SYT1: variants seen among roughly 807,000 people sequenced by gnomAD.
The protein encoded by SYT1 is synaptotagmin 1, also known as synaptotagmin-1.
Under a neutral mutation model 44.8 loss-of-function variants are expected in SYT1, and 8 were observed. The observed-to-expected ratio is 0.18, with a 90% confidence interval of 0.10 to 0.32. The LOEUF is 0.32. SYT1 is among the 10% of genes least tolerant of loss of function. The probability of loss-of-function intolerance (pLI) is 1.00; values close to 1 mark genes in which losing one functional copy is unlikely to be tolerated. For missense variants in SYT1, 286 were observed against 509.3 expected (o/e 0.56, Z 4.22); for synonymous variants, 154 against 188.8 (o/e 0.82, Z 1.51).
intron 8 of SYT1, among the ~76,000 whole-genome samples, chr12:79,328,845 CAA>C (rs986493458): frequency 2.2e-4 from 20 of 92,140 alleles, no homozygotes; most frequent in African/African-American, 2.4e-4. Context: ...GACTCCATCT[CAA>C]AAAAAAAAAA....
chr12:79,179,405 G>C (rs1323072179), intron 3 of SYT1, among the ~76,000 whole-genome samples: 1 of 128,418 alleles, frequency 7.8e-6, no homozygotes, highest in African/African-American at 3.2e-5. Context: ...TATCCATATA[G>C]ATATAGATAT....
intron 1 of SYT1, among the ~76,000 whole-genome samples, chr12:78,941,065 CTTTTTTT>C (rs398044555): frequency 1.5e-5 from 1 of 68,442 alleles, no homozygotes; most frequent in Middle Eastern, 0.011. Flanking sequence ...CTTTTTTTTT[CTTTTTTT>C]TTTTTTTTTT....
At chr12:79,285,315 C>T (rs908749018) in intron 4 of SYT1, among the ~76,000 whole-genome samples, 3 of 152,250 alleles carry the variant, frequency 2.0e-5, no homozygotes, top group Non-Finnish European at 4.4e-5. Context: ...TTGCCATGTG[C>T]CAGGCACTGC....
Position 79,324,517 on chromosome 12 carries a change from A to T in SYT1, c.810+24966A>T, listed in dbSNP as rs369562332. Among the ~76,000 whole-genome samples the T allele has an allele frequency of 4.6e-5, 7 of 152,302 alleles. 1 individual carries two copies. Among genetic ancestry groups the T allele is most frequent in the Admixed American group, 3.3e-4 (5 of 15,296 alleles). On this transcript the variant is annotated intron_variant, in intron 8 of 10. Transcript: ENST00000261205. ...TTGTAACTTAGATCCATCTGGTAAG[A>T]TTCTTTTTCTTCTTCCAAATTAGTT... is the stretch of plus-strand genomic sequence containing the variant.
intron 1 of SYT1, among the ~76,000 whole-genome samples, chr12:78,906,741 G>GA (rs1876005414): frequency 6.6e-6 from 1 of 152,046 alleles, no homozygotes; most frequent in Non-Finnish European, 1.5e-5. Flanking sequence ...GTCCTGCCAG[G>GA]AAGAAGCAGT....
chr12:79,247,160 T>G (rs1458385063), intron 4 of SYT1, among the ~76,000 whole-genome samples: 2 of 152,208 alleles, frequency 1.3e-5, no homozygotes, highest in Non-Finnish European at 1.5e-5. Context: ...CACCTGTGAC[T>G]TTACAGTGTA....
intron 4 of SYT1, among the ~76,000 whole-genome samples, chr12:79,229,420 G>A (rs564366926): frequency 2.0e-5 from 3 of 152,056 alleles, no homozygotes; most frequent in African/African-American, 7.2e-5. Context: ...AAATGTATAA[G>A]GTCTTATTTT....
intron 1 of SYT1, among the ~76,000 whole-genome samples, chr12:78,963,216 T>G (rs1879605556): frequency 6.6e-6 from 1 of 152,120 alleles, no homozygotes; most frequent in Non-Finnish European, 1.5e-5. Flanking sequence ...ATCTGTATTC[T>G]TAAAATATGT....
intron 3 of SYT1, among the ~76,000 whole-genome samples, chr12:79,102,143 G>A (rs1878480197): frequency 6.6e-6 from 1 of 151,494 alleles, no homozygotes; most frequent in African/African-American, 2.4e-5. Context: ...TCCTCCTGTG[G>A]GTATCATTCA....
chr12:79,309,544 G>A (rs73351083), intron 8 of SYT1, among the ~76,000 whole-genome samples: 1,611 of 152,258 alleles, frequency 0.011, 31 homozygotes, highest in African/African-American at 0.037. Flanking sequence ...ACATGGAATT[G>A]ACTGGGAGGC....
intron 3 of SYT1, among the ~76,000 whole-genome samples, chr12:79,216,681 T>A (rs1235338399): frequency 1.3e-5 from 2 of 152,310 alleles, no homozygotes; most frequent in East Asian, 1.9e-4. Flanking sequence ...CTTTATTAAT[T>A]ATTTTGGCAT....
intron 1 of SYT1, among the ~76,000 whole-genome samples, chr12:78,940,816 T>G (rs1255707283): frequency 6.6e-6 from 1 of 152,150 alleles, no homozygotes; most frequent in African/African-American, 2.4e-5. Context: ...TCAAAGCATT[T>G]TGTAAATCAG....
At chr12:78,978,933 A>G (rs1213307913) in intron 2 of SYT1, among the ~76,000 whole-genome samples, 5 of 152,192 alleles carry the variant, frequency 3.3e-5, no homozygotes, top group Non-Finnish European at 7.4e-5. Flanking sequence ...AAATGTACCT[A>G]TACGCTTATG....
intron 8 of SYT1, among the ~76,000 whole-genome samples, chr12:79,308,578 G>GGAAAAGAAAGAA (rs1880555235): frequency 3.7e-5 from 5 of 134,118 alleles, no homozygotes; most frequent in African/African-American, 1.2e-4. Context: ...AGAAAGAAAA[G>GGAAAAGAAAGAA]AAGGAAAAGA....
intron 1 of SYT1, among the ~76,000 whole-genome samples, chr12:78,884,565 T>A (rs1023719045): frequency 6.6e-6 from 1 of 151,610 alleles, no homozygotes; most frequent in African/African-American, 2.4e-5. Flanking sequence ...TTTTATAACA[T>A]CTTGTTTGTT....
intron 3 of SYT1, among the ~76,000 whole-genome samples, chr12:79,151,093 G>A (rs1870244304): frequency 6.6e-6 from 1 of 152,188 alleles, no homozygotes; most frequent in African/African-American, 2.4e-5. Context: ...TCACCTCAGA[G>A]TCCTGTGTCC....
chr12:79,387,876 A>G (rs764303560), intron 9 of SYT1, among the ~76,000 whole-genome samples: 1 of 152,254 alleles, frequency 6.6e-6, no homozygotes, highest in Non-Finnish European at 1.5e-5. Context: ...ATATCTAATT[A>G]TGTATAGATC....
At chr12:79,014,364 C>G (rs946893077) in intron 2 of SYT1, among the ~76,000 whole-genome samples, 2 of 152,078 alleles carry the variant, frequency 1.3e-5, no homozygotes, top group East Asian at 3.9e-4. Flanking sequence ...TTCCCTTTAA[C>G]CATTCCATAT....
chr12:79,368,366 A>G (rs1435482617), intron 9 of SYT1, among the ~76,000 whole-genome samples: 1 of 152,136 alleles, frequency 6.6e-6, no homozygotes, highest in African/African-American at 2.4e-5. Context: ...ATACGTGTGC[A>G]TGTGTCTTTA....
Sources: allele counts gnomAD v4.1 joint callset (sites outside exome capture counted in the v4.1 genomes callset), GRCh38; gene constraint gnomAD v4.1.1; transcripts MANE v1.5; gene names NCBI Gene and HGNC (gene_info 2026-07-23, HGNC 2026-07-21).